Variants in DIP2A observed in about 807,000 individuals in gnomAD.
DIP2A encodes disco-interacting protein 2 homolog A.
In DIP2A, 85 loss-of-function variants were observed where a neutral mutation model predicts 177.4. That is an observed-to-expected ratio of 0.48 (90% CI 0.40 to 0.57). The LOEUF (loss-of-function observed/expected upper bound fraction) is 0.57. Among genes scored for constraint, DIP2A ranks in the 20% least tolerant of loss-of-function variants. The pLI is 0.00. For synonymous variants in DIP2A, 886 were observed against 881.8 expected (o/e 1.00, Z -0.08); for missense variants, 1,791 against 2,100.2 (o/e 0.85, Z 2.88).
In DIP2A at chr21:46,513,715, G is replaced by C. The variant is rs1033475430; in HGVS notation, c.1102+2101G>C. On this transcript the variant is annotated intron_variant, in intron 8 of 37. Coordinates refer to ENST00000417564, the MANE Select transcript of DIP2A (RefSeq NM_015151.4). ...AATATGAAAATCCAAAATCCAAAAT[G>C]CTCTAAAATCTGAAACTGCTTGAAG... Among the ~76,000 whole-genome samples the C allele has an allele frequency of 3.3e-5, 5 of 152,234 alleles. No homozygotes were observed. The East Asian group carries it at 5.8e-4, about 18-fold the overall frequency.
Position 46,517,682 on chromosome 21 carries a change from T to C in DIP2A, c.1102+6068T>C, listed in dbSNP as rs560354167. 1.1e-4 allele frequency among the ~76,000 whole-genome samples: 17 copies of C among 152,346 alleles called. No homozygotes were observed. In the South Asian group the frequency reaches 2.7e-3, roughly 24 times the overall value. On this transcript the variant is annotated intron_variant, in intron 8 of 37. Transcript: ENST00000417564. ...AGGTTTTCCACATGGGCTCTTGGTC[T>C]CCTGCTGCACACAGCCAGAGGATTC...
downstream of DIP2A, among the ~76,000 whole-genome samples, chr21:46,571,185 G>A (rs9978739): frequency 0.12 from 18,296 of 152,102 alleles, 1,463 homozygotes; most frequent in African/African-American, 0.22. Context: ...GCCAGGGATC[G>A]AGGTTGCACA....
downstream of DIP2A, among the ~76,000 whole-genome samples, chr21:46,572,250 T>G (rs557630229): frequency 6.6e-6 from 1 of 152,320 alleles, no homozygotes; most frequent in African/African-American, 2.4e-5. Context: ...TAAAAACATT[T>G]GAAAGTTTAT....
At chr21:46,533,015 G>A (rs1378628948) in intron 10 of DIP2A, among the ~76,000 whole-genome samples, 1 of 152,208 alleles carries the variant, frequency 6.6e-6, no homozygotes, top group Non-Finnish European at 1.5e-5. Context: ...GAATGCAGTG[G>A]TTCTTAGGAG....
intron 8 of DIP2A, among the ~76,000 whole-genome samples, chr21:46,512,832 T>C (rs559191512): frequency 0.18 from 1,222 of 6,704 alleles, 25 homozygotes; most frequent in Admixed American, 0.39. Flanking sequence ...AAAAAAAACT[T>C]TTTTTTTGTA....
intron 1 of DIP2A, among the ~76,000 whole-genome samples, chr21:46,463,683 TG>T (rs1713043036): frequency 4.2e-5 from 5 of 119,150 alleles, no homozygotes; most frequent in South Asian, 2.7e-4. Context: ...GATATATTTG[TG>T]TGTGTGTGTG....
chr21:46,557,689 T>C lies in DIP2A; in HGVS notation c.3734T>C (p.Phe1245Ser). 6.2e-7 allele frequency: 1 copy of C among 1,613,644 alleles called. No homozygotes were observed. Residue 1245 changes from phenylalanine (F) to serine (S), a missense_variant, in exon 31 of 38, where the codon TTC becomes TCC. Physicochemically the swap from Phe to Ser is radical, Grantham distance 155. Transcript: ENST00000417564. The surrounding 1 kb of genome is among the most constrained non-coding windows in gnomAD (Gnocchi z 6.0). ...AGCCAGTACAAGGCCCGCGTCACCT[T>C]CTGCTCCTACTCTGTGATGGAGATG... is the stretch of plus-strand genomic sequence containing the variant. ...AVSQYKARVT[F>S]CSYSVMEMCT...
At chr21:46,548,374 C>G (rs1211261085) in intron 21 of DIP2A, among the ~76,000 whole-genome samples, 4 of 152,168 alleles carry the variant, frequency 2.6e-5, no homozygotes, top group Non-Finnish European at 5.9e-5. Flanking sequence ...GCAGGGCCAC[C>G]TGTACCTGAT....
At chr21:46,533,499 C>A in intron 10 of DIP2A, 25 bp from the exon 11 acceptor site, 9 of 1,608,356 alleles carry the variant, frequency 5.6e-6, no homozygotes, top group Non-Finnish European at 7.6e-6. Context: ...CACCCCACCC[C>A]ACACGGTCAC....
At chr21:46,480,251 GGAC>G (rs2056245204) in intron 1 of DIP2A, among the ~76,000 whole-genome samples, 1 of 152,128 alleles carries the variant, frequency 6.6e-6, no homozygotes, top group African/African-American at 2.4e-5. Context: ...GAAAGCAAAG[GGAC>G]GTCCTACGTG....
chr21:46,498,828 A>T lies in DIP2A; in HGVS notation c.650A>T (p.His217Leu). 1.2e-6 allele frequency: 2 copies of T among 1,612,710 alleles called. No individual in the cohort carries two copies. Among genetic ancestry groups the T allele is most frequent in the Non-Finnish European group, 1.7e-6 (2 of 1,179,270 alleles). ...CTCGCAGGCCTCGAGGCCCACACCCACATAGGTCAGTAATAAGCTGCTGCG... is the reference window on the plus strand; with the variant it reads ...CTCGCAGGCCTCGAGGCCCACACCCTCATAGGTCAGTAATAAGCTGCTGCG... ...TALAGLEAHT[H>L]IDLHSAPPDV... is the part of the protein sequence containing the mutation. The change falls in exon 5 of 38, where the codon CAC becomes CTC. Residue 217 changes from histidine (H) to leucine (L), a missense_variant. Transcript: ENST00000417564. This position sits in a 1 kb window ranked among gnomAD's most constrained non-coding sequence, Gnocchi z 4.3.
chr21:46,500,474 T>C (rs2057590116), intron 5 of DIP2A, among the ~76,000 whole-genome samples: 1 of 152,224 alleles, frequency 6.6e-6, no homozygotes, highest in Non-Finnish European at 1.5e-5. Context: ...GTGATTTAAC[T>C]TTGTAGAAAT....
At chr21:46,567,345 G>A (rs749179448) in intron 37 of DIP2A, 25 bp from the exon 38 acceptor site, 5 of 1,601,740 alleles carry the variant, frequency 3.1e-6, no homozygotes, top group African/African-American at 2.7e-5. Flanking sequence ...GTATCCATGT[G>A]ACCCAGTCTG....
At position 46,537,112 on chromosome 21, in the gene DIP2A, G is replaced by A. The variant is rs2059606431; in HGVS notation, c.1643-112G>A. 3.0e-6 allele frequency: 3 copies of A among 991,480 alleles called. No homozygotes were observed. Among genetic ancestry groups the A allele is most frequent in the Non-Finnish European group, 4.9e-6 (3 of 615,746 alleles). The allele number at this position is 991,480 out of a possible 1,614,324, so 61.4% of individuals were successfully genotyped here. A position where few individuals can be genotyped will look rare whatever the true frequency, so the allele number is the denominator to read the frequency against. On this transcript the variant is annotated intron_variant, in intron 13 of 37. Transcript: ENST00000417564. The surrounding 1 kb of genome is among the most constrained non-coding windows in gnomAD (Gnocchi z 4.1). ...TGTGGTATTTGGAAATGCTGTATCT[G>A]TTCCTGAAACTTACATGTTGATGAC...
At chr21:46,481,788 C>A (rs541636846) in intron 1 of DIP2A, among the ~76,000 whole-genome samples, 10 of 152,188 alleles carry the variant, frequency 6.6e-5, no homozygotes, top group Admixed American at 3.9e-4. Context: ...CAGTGGCTCA[C>A]ACCTGTAATC....
Position 46,538,569 on chromosome 21 carries a change from C to T in DIP2A, c.1888C>T (p.Arg630Cys), listed in dbSNP as rs558662306. 3.8e-5 allele frequency: 59 copies of T among 1,562,440 alleles called. No homozygotes were observed. Among genetic ancestry groups the T allele is most frequent in the Non-Finnish European group, 4.8e-5 (56 of 1,155,370 alleles). The change falls in exon 16 of 38, where the codon CGC becomes TGC. Residue 630 changes from arginine (R) to cysteine (C), a missense_variant. Transcript: ENST00000417564. ...GQRDVSLSSL[R>C]MLIVADGANP... ...GAGGGACGTCAGCCTCAGCTCACTG[C>T]GCATGCTGATTGTGGCCGATGGTGC...
intron 33 of DIP2A, chr21:46,561,343 G>T (rs2060656699): frequency 6.0e-6 from 2 of 335,056 alleles, no homozygotes; most frequent in Admixed American, 9.1e-5. Context: ...GTGTGTGCTT[G>T]CTGGTCTGTG....
chr21:46,504,224 C>A, intron 5 of DIP2A, 137 bp from the exon 6 acceptor site: 1 of 1,256,624 alleles, frequency 8.0e-7, no homozygotes, highest in South Asian at 1.3e-5. Context: ...GCCAAGAAAA[C>A]AAATTAATGA....
At chr21:46,539,498 G>A (rs1208825439) in intron 16 of DIP2A, 5 of 326,458 alleles carry the variant, frequency 1.5e-5, no homozygotes, top group East Asian at 8.4e-5. Flanking sequence ...CCGCCACTCC[G>A]TGGTCCCCAT....
Sources: allele counts gnomAD v4.1 joint callset (sites outside exome capture counted in the v4.1 genomes callset), GRCh38; gene constraint gnomAD v4.1.1; non-coding constraint Gnocchi (gnomAD v3.1); transcripts MANE v1.5; gene names NCBI Gene and HGNC (gene_info 2026-07-23, HGNC 2026-07-21).